The following ITPR3 variants were observed in gnomAD, a reference collection of about 807,000 sequenced individuals.
ITPR3 encodes inositol 1,4,5-trisphosphate receptor type 3, also known as inositol 1,4,5-trisphosphate-gated calcium channel ITPR3.
Under a neutral mutation model 293.2 loss-of-function variants are expected in ITPR3, and 173 were observed. That is an observed-to-expected ratio of 0.59 (90% CI 0.52 to 0.67). ITPR3 has a LOEUF of 0.67. Among genes scored for constraint, ITPR3 ranks in the 30% least tolerant of loss-of-function variants. ITPR3 has a pLI of 0.00. For missense variants in ITPR3, 2,796 were observed against 3,592.1 expected, an observed-to-expected ratio of 0.78 and a Z score of 5.66; for synonymous variants, 1,295 against 1,444.4, an observed-to-expected ratio of 0.90 and a Z score of 2.35.
At position 33,663,801 on chromosome 6, in the gene ITPR3, G is replaced by C. The variant is rs1561864746; in HGVS notation, c.1069G>C (p.Val357Leu). 1 of 1,614,202 alleles carries C rather than the reference G, an allele frequency of 6.2e-7. No homozygotes were observed. ...GAAGATCAAGTACTGCCTGGTGGCT[G>C]TGCCTCATGGCAATGACATCGCCTC... ...GEKIKYCLVA[V>L]PHGNDIASLF... Residue 357 changes from valine to leucine, a missense_variant, in exon 11 of 58, where the codon GTG becomes CTG. Physicochemically the swap from Val to Leu is conservative, Grantham distance 32. Around this residue, in one of 8 missense-constraint regions of ITPR3, gnomAD observed 955 missense variants for 1,180.8 expected, o/e 0.81. Coordinates refer to ENST00000605930, the MANE Select transcript of ITPR3 (RefSeq NM_002224.4).
In ITPR3 at chr6:33,645,259, G is replaced by A. The variant is rs535991821; in HGVS notation, c.160+4705G>A. On this transcript the variant is annotated intron_variant, in intron 2 of 57. Coordinates refer to ENST00000605930, the MANE Select transcript of ITPR3 (RefSeq NM_002224.4). ...TAAGGCAGGAGAATCGCTTGAACCC[G>A]GGAGGCGGAGGTTGCAGTGAGCCAA... Among the ~76,000 whole-genome samples the A allele has an allele frequency of 4.6e-5, 7 of 152,152 alleles. No homozygotes were observed. The South Asian group carries it at 6.2e-4, about 14-fold the overall frequency.
intron 7 of ITPR3, among the ~76,000 whole-genome samples, chr6:33,661,041 T>C (rs1764451175): frequency 6.6e-6 from 1 of 152,214 alleles, no homozygotes; most frequent in African/African-American, 2.4e-5. Context: ...CATGGCTCCG[T>C]GGTTCCAAGG....
intron 1 of ITPR3, among the ~76,000 whole-genome samples, chr6:33,625,259 C>T (rs1421390194): frequency 6.6e-6 from 1 of 151,220 alleles, no homozygotes. Context: ...GACAGAGTTT[C>T]ACTCTTGTTG....
At chr6:33,693,767 T>C (rs1765460286) in intron 56 of ITPR3, 62 bp downstream of exon 56, 1 of 1,572,428 alleles carries the variant, frequency 6.4e-7, no homozygotes, top group East Asian at 2.3e-5. Flanking sequence ...GTCATCACTG[T>C]GCACCAGAGG....
intron 13 of ITPR3, 50 bp downstream of exon 13, chr6:33,665,263 G>T (rs1332601904): frequency 2.5e-6 from 4 of 1,582,990 alleles, no homozygotes; most frequent in African/African-American, 2.7e-5. Flanking sequence ...CCCTCCCAGG[G>T]CCTGCATTTC....
chr6:33,652,178 C>T (rs76927417), intron 2 of ITPR3, among the ~76,000 whole-genome samples: 6,876 of 152,266 alleles, frequency 0.045, 201 homozygotes, highest in East Asian at 0.12. Flanking sequence ...TTTCTAGATG[C>T]GCCATATCCT....
chr6:33,691,931 G>C lies in ITPR3; in HGVS notation c.7458+3G>C. ...TTCTCCGCAAGCCCTCCAAAGATGT[G>C]AGCACTCCTGCCCACTCCCAAACCT... On this transcript the variant is annotated splice_donor_region_variant and intron_variant, in intron 54 of 57. Transcript: ENST00000605930. The surrounding 1 kb of genome is among the most constrained non-coding windows in gnomAD (Gnocchi z 4.9). 1 of 1,613,826 alleles carries C rather than the reference G, an allele frequency of 6.2e-7. No homozygotes were observed. Among genetic ancestry groups the C allele is most frequent in the Non-Finnish European group, 8.5e-7 (1 of 1,180,020 alleles).
At chr6:33,635,421 A>C (rs1013731962) in intron 1 of ITPR3, among the ~76,000 whole-genome samples, 2 of 152,208 alleles carry the variant, frequency 1.3e-5, no homozygotes, top group African/African-American at 4.8e-5. Context: ...TAATTAACTC[A>C]GTATGTATTT....
intron 2 of ITPR3, among the ~76,000 whole-genome samples, chr6:33,644,222 A>C (rs1582111919): frequency 6.6e-6 from 1 of 151,844 alleles, no homozygotes; most frequent in Non-Finnish European, 1.5e-5. Flanking sequence ...AGTGACACAC[A>C]CCCCATGCAC....
At position 33,677,634 on chromosome 6, in the gene ITPR3, C is replaced by T. The variant is rs775894053; in HGVS notation, c.3648+5C>T. On this transcript the variant is annotated splice_donor_5th_base_variant and intron_variant, in intron 28 of 57. Transcript: ENST00000605930. ...CTGCAGATCCCCTATGACAAGGTGG[C>T]TCTGACTTCTGACCTCTGACTCCCC... 1.1e-5 allele frequency: 17 copies of T among 1,612,988 alleles called. No individual in the cohort carries two copies. The South Asian group carries it at 1.8e-4, about 17-fold the overall frequency.
At chr6:33,646,122 C>T (rs1198506585) in intron 2 of ITPR3, among the ~76,000 whole-genome samples, 1 of 152,174 alleles carries the variant, frequency 6.6e-6, no homozygotes, top group Non-Finnish European at 1.5e-5. Flanking sequence ...AGGCGTGAGC[C>T]ACCACACCTG....
chr6:33,682,781 C>A lies in ITPR3; in HGVS notation c.4597+137C>A. Reference sequence around the variant, plus strand: ...CCCAGGTGGTTGTCAGTAAGTTCTTCTTGGCGTCTGCCTCATCCTGGCAAT... The same window carrying A: ...CCCAGGTGGTTGTCAGTAAGTTCTTATTGGCGTCTGCCTCATCCTGGCAAT... On this transcript the variant is annotated intron_variant, in intron 34 of 57. Coordinates refer to ENST00000605930, the MANE Select transcript of ITPR3 (RefSeq NM_002224.4). The surrounding 1 kb of genome is among the most constrained non-coding windows in gnomAD (Gnocchi z 5.4). The A allele has an allele frequency of 8.6e-7, 1 of 1,161,698 alleles. No homozygotes were observed. Among genetic ancestry groups the A allele is most frequent in the Non-Finnish European group, 1.2e-6 (1 of 865,104 alleles). 72.0% of individuals were successfully genotyped at this position (1,161,698 alleles called of 1,614,324 possible). A position where few individuals can be genotyped will look rare whatever the true frequency, so the allele number is the denominator to read the frequency against.
Position 33,680,131 on chromosome 6 carries a change from G to A in ITPR3, c.4222G>A (p.Glu1408Lys). The A allele has an allele frequency of 6.2e-7, 1 of 1,611,780 alleles. No individual in the cohort carries two copies. Among genetic ancestry groups the A allele is most frequent in the Admixed American group, 1.7e-5 (1 of 60,008 alleles). The change falls in exon 31 of 58, where the codon GAG becomes AAG. Residue 1408 changes from glutamate (E) to lysine (K), a missense_variant and splice_region_variant. Physicochemically the swap from Glu to Lys is moderately conservative, Grantham distance 56 (BLOSUM62 1). This residue lies in a region of ITPR3 where 344 missense variants were observed against 460.3 expected (regional missense o/e 0.75). Coordinates refer to ENST00000605930, the MANE Select transcript of ITPR3 (RefSeq NM_002224.4). ...SVVTHEDCIT[E>K]VKMAYVNFVN... The stretch of plus-strand genomic sequence containing the variant: ...GGTGACGCATGAGGACTGCATCACT[G>A]AGGTGGGGATCGGGAGACTGGGCAA...
rs746963244 is a variant in ITPR3, at chr6:33,678,562, G to C, written c.3771+19G>C. 6 of 1,522,498 alleles carry C rather than the reference G, an allele frequency of 3.9e-6. No individual in the cohort carries two copies. In the South Asian group the frequency reaches 5.7e-5, roughly 15 times the overall value. The allele number at this position is 1,522,498 out of a possible 1,614,324, so 94.3% of individuals were successfully genotyped here. On this transcript the variant is annotated intron_variant, in intron 29 of 57. Coordinates refer to ENST00000605930, the MANE Select transcript of ITPR3 (RefSeq NM_002224.4). ...GCCAGGGGTGAGGGTGCAGGGCTGG[G>C]AGCACCTGGACGAGGCGGGGGATGG...
rs1375223010 is a variant in ITPR3, at chr6:33,682,786, C to T, written c.4597+142C>T. 6 of 1,114,984 alleles carry T rather than the reference C, an allele frequency of 5.4e-6. No homozygotes were observed. Among genetic ancestry groups the T allele is most frequent in the South Asian group, 1.8e-5 (1 of 55,608 alleles). The allele number at this position is 1,114,984 out of a possible 1,614,324, so 69.1% of individuals were successfully genotyped here. A position where few individuals can be genotyped will look rare whatever the true frequency, so the allele number is the denominator to read the frequency against. ...GTGGTTGTCAGTAAGTTCTTCTTGG[C>T]GTCTGCCTCATCCTGGCAATTGAGA... On this transcript the variant is annotated intron_variant, in intron 34 of 57. Coordinates refer to ENST00000605930, the MANE Select transcript of ITPR3 (RefSeq NM_002224.4). The surrounding 1 kb of genome is among the most constrained non-coding windows in gnomAD (Gnocchi z 5.4).
chr6:33,694,818 T>G, intron 56 of ITPR3, 106 bp from the exon 57 acceptor site: 1 of 1,407,706 alleles, frequency 7.1e-7, no homozygotes. Flanking sequence ...GACGAGTAGT[T>G]TTGTTAAGGG....
chr6:33,659,175 G>A, intron 6 of ITPR3, 56 bp downstream of exon 6: 6 of 1,489,918 alleles, frequency 4.0e-6, no homozygotes, highest in Non-Finnish European at 5.6e-6. Flanking sequence ...ACCCCTGGTG[G>A]TGTAGACACC....
chr6:33,651,700 G>A (rs544098732), intron 2 of ITPR3, among the ~76,000 whole-genome samples: 1 of 152,256 alleles, frequency 6.6e-6, no homozygotes, highest in Admixed American at 6.5e-5. Flanking sequence ...TCTCTTTTTG[G>A]TGGGTAATTC....
At chr6:33,651,400 A>T (rs1764188556) in intron 2 of ITPR3, among the ~76,000 whole-genome samples, 2 of 152,080 alleles carry the variant, frequency 1.3e-5, no homozygotes, top group Non-Finnish European at 2.9e-5. Flanking sequence ...GCCCACTTGA[A>T]GCCCAGGTCG....
Sources: allele counts gnomAD v4.1 joint callset (sites outside exome capture counted in the v4.1 genomes callset), GRCh38; gene constraint gnomAD v4.1.1; regional missense constraint gnomAD v4.1.1; non-coding constraint Gnocchi (gnomAD v3.1); transcripts MANE v1.5; gene names NCBI Gene and HGNC (gene_info 2026-07-23, HGNC 2026-07-21).